DOCK3: variants seen among roughly 807,000 people sequenced by gnomAD.
The protein encoded by DOCK3 is dedicator of cytokinesis protein 3.
Under a neutral mutation model 265.6 loss-of-function variants are expected in DOCK3, and 60 were observed. The ratio of observed to expected loss-of-function variants is 0.23; its 90% CI spans 0.18 to 0.28. The LOEUF (loss-of-function observed/expected upper bound fraction) is 0.28. Ranked by LOEUF, DOCK3 falls within the 10% of genes least tolerant of loss-of-function variation. The probability of loss-of-function intolerance (pLI) is 1.00; values close to 1 mark genes in which losing one functional copy is unlikely to be tolerated. For missense variants in DOCK3, 1,981 were observed against 2,594.3 expected (o/e 0.76, Z 5.14); for synonymous variants, 881 against 938.0 (o/e 0.94, Z 1.11).
At chr3:51,360,711 T>C (rs2086670956) in intron 47 of DOCK3, 79 bp downstream of exon 47, 11 of 1,573,746 alleles carry the variant, frequency 7.0e-6, no homozygotes, top group Non-Finnish European at 9.5e-6. Flanking sequence ...AGAGTCCTCA[T>C]GTATACTCAT....
intron 4 of DOCK3, among the ~76,000 whole-genome samples, chr3:50,904,821 T>A (rs938236691): frequency 4.6e-5 from 7 of 150,932 alleles, no homozygotes; most frequent in African/African-American, 1.7e-4. Flanking sequence ...GCCATTGCTT[T>A]TGGAAGTCCT....
intron 41 of DOCK3, among the ~76,000 whole-genome samples, chr3:51,355,755 C>A (rs879538218): frequency 2.6e-5 from 4 of 152,180 alleles, no homozygotes; most frequent in African/African-American, 7.2e-5. Flanking sequence ...ACCCTTGCAG[C>A]CTTCTTTCAC....
intron 3 of DOCK3, among the ~76,000 whole-genome samples, chr3:50,869,604 G>C (rs1312072109): frequency 4.0e-5 from 6 of 151,576 alleles, no homozygotes; most frequent in Admixed American, 3.9e-4. Context: ...ACTCCTGAGA[G>C]CAAGTGATCC....
At chr3:51,114,505 T>C (rs146098174) in intron 9 of DOCK3, among the ~76,000 whole-genome samples, 98 of 152,320 alleles carry the variant, frequency 6.4e-4, no homozygotes, top group Non-Finnish European at 1.2e-3. Flanking sequence ...TTTGAATTTT[T>C]GGATAAGTAG....
At chr3:50,821,140 CTTTTTTTTTTT>C (rs771111717) in intron 2 of DOCK3, among the ~76,000 whole-genome samples, 1 of 119,478 alleles carries the variant, frequency 8.4e-6, no homozygotes, top group African/African-American at 3.2e-5. Flanking sequence ...TTTCTTTTTT[CTTTTTTTTTTT>C]TTTTTTTGCT....
chr3:50,978,791 A>C (rs1011531571), intron 5 of DOCK3, among the ~76,000 whole-genome samples: 2 of 152,070 alleles, frequency 1.3e-5, no homozygotes, highest in Non-Finnish European at 2.9e-5. Flanking sequence ...GCTAGCAATC[A>C]GTGAGTCTCC....
At chr3:51,320,428 GTT>G (rs146387402) in intron 32 of DOCK3, among the ~76,000 whole-genome samples, 1 of 146,566 alleles carries the variant, frequency 6.8e-6, no homozygotes. Context: ...TTTTGTTTTT[GTT>G]TTTTTTTTTC....
rs982726782 is a variant in DOCK3 at position 51,341,492 on chromosome 3, G to T, written c.3915+107G>T. 2.0e-6 allele frequency: 3 copies of T among 1,496,508 alleles called. No individual in the cohort carries two copies. The South Asian group carries it at 3.6e-5, about 18-fold the overall frequency. 92.7% of individuals were successfully genotyped at this position (1,496,508 alleles called of 1,614,324 possible). Reference sequence around the variant, plus strand: ...GCTGCAGGGGGTAGTGTGTGGGGTGGTGAGTGGGTGGGTGCCTATCTATGT... The same window carrying T: ...GCTGCAGGGGGTAGTGTGTGGGGTGTTGAGTGGGTGGGTGCCTATCTATGT... On this transcript the variant is annotated intron_variant, in intron 38 of 52. Transcript: ENST00000266037.
At chr3:51,027,785 T>C (rs2079882456) in intron 5 of DOCK3, among the ~76,000 whole-genome samples, 1 of 152,156 alleles carries the variant, frequency 6.6e-6, no homozygotes, top group Admixed American at 6.5e-5. Context: ...ATTTTTCATT[T>C]GCATGATCTT....
chr3:51,337,404 G>A (rs1283984978), intron 35 of DOCK3, among the ~76,000 whole-genome samples: 1 of 152,192 alleles, frequency 6.6e-6, no homozygotes, highest in East Asian at 1.9e-4. Context: ...ACTGGGCCCT[G>A]TGCCTGCCAG....
At chr3:51,263,748 CA>C (rs1257503942) in intron 23 of DOCK3, among the ~76,000 whole-genome samples, 1 of 151,668 alleles carries the variant, frequency 6.6e-6, no homozygotes, top group African/African-American at 2.4e-5. Flanking sequence ...AATGGAAAAC[CA>C]AAAAAAGCAT....
chr3:51,178,205 T>C (rs1054843218), intron 12 of DOCK3, among the ~76,000 whole-genome samples: 1 of 152,132 alleles, frequency 6.6e-6, no homozygotes, highest in Non-Finnish European at 1.5e-5. Flanking sequence ...ATGAAATGGG[T>C]GTGTCATGTC....
intron 3 of DOCK3, among the ~76,000 whole-genome samples, chr3:50,884,136 G>T (rs2048207414): frequency 6.6e-6 from 1 of 150,558 alleles, no homozygotes; most frequent in Non-Finnish European, 1.5e-5. Flanking sequence ...GCTCTTTCAG[G>T]CTGGAGTGCA....
At chr3:50,908,712 T>G (rs1296674175) in intron 4 of DOCK3, among the ~76,000 whole-genome samples, 2 of 152,092 alleles carry the variant, frequency 1.3e-5, no homozygotes, top group Non-Finnish European at 2.9e-5. Context: ...GGTTGGAGAG[T>G]TCTGTAGATA....
intron 12 of DOCK3, among the ~76,000 whole-genome samples, chr3:51,163,839 C>A (rs1234259605): frequency 6.6e-6 from 1 of 151,978 alleles, no homozygotes; most frequent in Non-Finnish European, 1.5e-5. Context: ...AAATTATGTA[C>A]TCAATCACAT....
intron 1 of DOCK3, among the ~76,000 whole-genome samples, chr3:50,744,645 G>C (rs1028843462): frequency 1.3e-5 from 2 of 152,174 alleles, no homozygotes; most frequent in Non-Finnish European, 2.9e-5. Flanking sequence ...ACGTCACCCA[G>C]GCTGGTCTTG....
At chr3:51,201,691 C>G (rs12490026) in intron 12 of DOCK3, among the ~76,000 whole-genome samples, 10,594 of 152,176 alleles carry the variant, frequency 0.07, 938 homozygotes, top group East Asian at 0.31. Context: ...ATCTACAGAA[C>G]TCTCCACCCC....
At chr3:51,380,951 T>C in intron 52 of DOCK3, 99 bp from the exon 53 acceptor site, 1 of 1,428,340 alleles carries the variant, frequency 7.0e-7, no homozygotes, top group Middle Eastern at 1.8e-4. Flanking sequence ...TTGATGAGGG[T>C]TAAAGTTCAT....
At chr3:51,136,087 A>C (rs530439300) in intron 9 of DOCK3, among the ~76,000 whole-genome samples, 2 of 151,890 alleles carry the variant, frequency 1.3e-5, no homozygotes, top group South Asian at 2.1e-4. Flanking sequence ...TGCACTTTGC[A>C]CTCTCTCCTC....
Sources: allele counts gnomAD v4.1 joint callset (sites outside exome capture counted in the v4.1 genomes callset), GRCh38; gene constraint gnomAD v4.1.1; transcripts MANE v1.5; gene names NCBI Gene and HGNC (gene_info 2026-07-23, HGNC 2026-07-21).